The following ZNF560 variants were observed in gnomAD, a reference collection of about 807,000 sequenced individuals.
The protein encoded by ZNF560 is zinc finger protein 560.
In ZNF560, 54 loss-of-function variants were observed where a neutral mutation model predicts 81.8. The observed-to-expected ratio is 0.66, with a 90% CI of 0.53 to 0.83. The LOEUF (loss-of-function observed/expected upper bound fraction) is 0.83. ZNF560 is among the 40% of genes least tolerant of loss of function. The probability of loss-of-function intolerance (pLI) is 0.00; values close to 1 mark genes in which losing one functional copy is unlikely to be tolerated. For missense variants in ZNF560, 940 were observed against 932.4 expected (o/e 1.01, Z -0.11); for synonymous variants, 321 against 317.9 (o/e 1.01, Z -0.10).
At chr19:9,469,766 T>G (rs2073093888) in intron 7 of ZNF560, 56 bp from the exon 8 acceptor site, 1 of 1,483,058 alleles carries the variant, frequency 6.7e-7, no homozygotes, top group African/African-American at 1.4e-5. Context: ...AATGGCAAAC[T>G]TTTCCATGAA....
chr19:9,448,885 C>CT, the ZNF560 span, among the ~76,000 whole-genome samples: 1 of 152,132 alleles, frequency 6.6e-6, no homozygotes, highest in Non-Finnish European at 1.5e-5. Flanking sequence ...GATCATTATT[C>CT]TTTTGTTGGA....
At position 9,470,532 on chromosome 19, in the gene ZNF560, C is replaced by T; in HGVS notation, c.322-14G>A. On this transcript the variant is annotated splice_polypyrimidine_tract_variant and intron_variant, in intron 6 of 9. Coordinates refer to ENST00000301480, the MANE Select transcript of ZNF560 (RefSeq NM_152476.3). The stretch of plus-strand genomic sequence containing the variant: ...GGTTACCAGGTCCTAAACCATCAGA[C>T]ACATGCTGATTTGAGCCAAGCAACA... 6.2e-7 allele frequency: 1 copy of T among 1,614,192 alleles called. No individual in the cohort carries two copies. The highest frequency in any genetic ancestry group is 8.5e-7 in the Non-Finnish European group (1 of 1,180,032).
Position 9,466,513 on chromosome 19 carries a change from A to C in ZNF560, c.*61T>G. ...TTCTCCTGTGAATTTTTACATGTTC[A>C]GTTAGGCTTGAGGAAACAGCAAAGG... On this transcript the variant is annotated 3_prime_UTR_variant, in exon 10 of 10. Coordinates refer to ENST00000301480, the MANE Select transcript of ZNF560 (RefSeq NM_152476.3). The C allele has an allele frequency of 6.9e-7, 1 of 1,458,078 alleles. No individual in the cohort carries two copies. 90.3% of individuals were successfully genotyped at this position (1,458,078 alleles called of 1,614,324 possible). A position where few individuals can be genotyped will look rare whatever the true frequency, so the allele number is the denominator to read the frequency against.
chr19:9,453,942 A>G, the ZNF560 span, among the ~76,000 whole-genome samples: 1 of 152,262 alleles, frequency 6.6e-6, no homozygotes, highest in Non-Finnish European at 1.5e-5. Flanking sequence ...TAAACAGGCC[A>G]TGAGAAACTG....
chr19:9,452,498 C>T, the ZNF560 span, among the ~76,000 whole-genome samples: 3 of 152,258 alleles, frequency 2.0e-5, no homozygotes, highest in African/African-American at 7.2e-5. Context: ...ATGGAATCAA[C>T]CTAAATGCCA....
At chr19:9,461,353 T>A in the ZNF560 span, among the ~76,000 whole-genome samples, 7,345 of 152,212 alleles carry the variant, frequency 0.048, 611 homozygotes, top group African/African-American at 0.17. Flanking sequence ...CAGTGAGAGC[T>A]CAAGAAGGAG....
intron 2 of ZNF560, among the ~76,000 whole-genome samples, chr19:9,480,792 A>G (rs1284627647): frequency 2.6e-5 from 4 of 152,122 alleles, no homozygotes; most frequent in African/African-American, 9.7e-5. Flanking sequence ...AAATGCTTTC[A>G]AAAATAGCTG....
chr19:9,450,321 C>T, the ZNF560 span, among the ~76,000 whole-genome samples: 19 of 151,568 alleles, frequency 1.3e-4, no homozygotes, highest in Middle Eastern at 3.4e-3. Flanking sequence ...GAAAAGGATG[C>T]GCACTCTAAC....
chr19:9,490,155 C>T (rs930397571), intron 2 of ZNF560, among the ~76,000 whole-genome samples: 1 of 152,200 alleles, frequency 6.6e-6, no homozygotes, highest in African/African-American at 2.4e-5. Flanking sequence ...CCTTCTTCAA[C>T]CTACATTAAG....
At chr19:9,495,715 G>A (rs12461835) in intron 2 of ZNF560, among the ~76,000 whole-genome samples, 15,548 of 151,928 alleles carry the variant, frequency 0.1, 959 homozygotes, top group South Asian at 0.2. Flanking sequence ...TCAAAAAGTC[G>A]GGGGCGGGGA....
Position 9,467,256 on chromosome 19 carries a change from CGTAAATGTTTG to C in ZNF560, c.1680_1690del (p.Lys561AsnfsTer9), listed in dbSNP as rs761325049. 1 of 1,613,960 alleles carries C rather than the reference CGTAAATGTTTG, an allele frequency of 6.2e-7. No homozygotes were observed. The highest frequency in any genetic ancestry group is 1.7e-5 in the Admixed American group (1 of 59,996). ...ATAGGGTTTCTCTCCAGCGTGTGTT[CGTAAATGTTTG>C]GTAAGATATGAGCACTTAGTGAAAG... is the stretch of plus-strand genomic sequence containing the variant. On this transcript the variant is annotated frameshift_variant, in exon 10 of 10. Transcript: ENST00000301480. LOFTEE classifies it high-confidence loss of function.
the ZNF560 span, among the ~76,000 whole-genome samples, chr19:9,452,939 T>A: frequency 6.6e-6 from 1 of 152,050 alleles, no homozygotes; most frequent in South Asian, 2.1e-4. Flanking sequence ...GAAGCAAAAA[T>A]TAAAAATAGA....
At chr19:9,474,098 C>A (rs2073162920) in intron 4 of ZNF560, 101 bp downstream of exon 4, 1 of 1,357,270 alleles carries the variant, frequency 7.4e-7, no homozygotes, top group Admixed American at 1.7e-5. Flanking sequence ...GGGACAACGT[C>A]TCTGGTGAAT....
upstream of ZNF560, among the ~76,000 whole-genome samples, chr19:9,499,179 T>C (rs1015500116): frequency 5.6e-4 from 85 of 152,250 alleles, no homozygotes; most frequent in African/African-American, 2.0e-3. Context: ...TCTTTTCTTT[T>C]CTTTTTTTCT....
At chr19:9,471,428 T>TA in intron 5 of ZNF560, 50 bp from the exon 6 acceptor site, 1 of 1,288,652 alleles carries the variant, frequency 7.8e-7, no homozygotes, top group Non-Finnish European at 1.1e-6. Context: ...AAAAAAAAGG[T>TA]AAAATGAAAG....
the ZNF560 span, among the ~76,000 whole-genome samples, chr19:9,457,017 C>A: frequency 6.6e-6 from 1 of 152,146 alleles, no homozygotes; most frequent in African/African-American, 2.4e-5. Flanking sequence ...GCCTGCAGAG[C>A]CTATCCTGTT....
chr19:9,497,039 G>A (rs2073570428), intron 2 of ZNF560, among the ~76,000 whole-genome samples: 2 of 151,782 alleles, frequency 1.3e-5, no homozygotes, highest in Non-Finnish European at 1.5e-5. Flanking sequence ...AAAGTTGGGC[G>A]TGGTAAGCGG....
At chr19:9,455,986 A>G in the ZNF560 span, among the ~76,000 whole-genome samples, 3 of 152,210 alleles carry the variant, frequency 2.0e-5, no homozygotes, top group African/African-American at 7.2e-5. Context: ...AACCAGGTCT[A>G]TACCTGAAGT....
chr19:9,490,349 A>G (rs1478144009), intron 2 of ZNF560, among the ~76,000 whole-genome samples: 1 of 152,218 alleles, frequency 6.6e-6, no homozygotes, highest in Non-Finnish European at 1.5e-5. Flanking sequence ...CCAAAAACCA[A>G]GTGGGTAGCA....
Sources: allele counts gnomAD v4.1 joint callset (sites outside exome capture counted in the v4.1 genomes callset), GRCh38; gene constraint gnomAD v4.1.1; transcripts MANE v1.5; gene names NCBI Gene and HGNC (gene_info 2026-07-23, HGNC 2026-07-21).